The following FLVCR2 variants were observed in gnomAD, a reference collection of about 807,000 sequenced individuals.
FLVCR2 encodes FLVCR choline and putative heme transporter 2.
In FLVCR2, 38 loss-of-function variants were observed where a neutral mutation model predicts 48.9. The observed-to-expected ratio is 0.78, with a 90% confidence interval of 0.60 to 1.02. The LOEUF (loss-of-function observed/expected upper bound fraction) is 1.02, where lower values mean the gene tolerates loss of function less well. Ranked by LOEUF, FLVCR2 falls within the 50% of genes least tolerant of loss-of-function variation. The pLI, the probability that FLVCR2 is intolerant of heterozygous loss-of-function variation, is 0.00. For synonymous variants in FLVCR2, 255 were observed against 257.0 expected (o/e 0.99, Z 0.07); for missense variants, 664 against 663.3 (o/e 1.00, Z -0.01).
chr14:75,640,995 G>T lies in FLVCR2; in HGVS notation c.1276G>T (p.Ala426Ser), dbSNP rs745968780. The T allele has an allele frequency of 2.3e-5, 37 of 1,614,002 alleles. No homozygotes were observed. The Admixed American group carries it at 6.2e-4, about 27-fold the overall frequency. The change falls in exon 7 of 10, where the codon GCT becomes TCT. Residue 426 changes from alanine to serine, a missense_variant. Ala to Ser is a moderately conservative substitution (Grantham distance 99). Coordinates refer to ENST00000238667, the MANE Select transcript of FLVCR2 (RefSeq NM_017791.3). ...CTATCTCCCACTGGGATTTGAGTTTGCTGTGGAGCTCACGTACCCAGAATC... is the reference window on the plus strand; with the variant it reads ...CTATCTCCCACTGGGATTTGAGTTTTCTGTGGAGCTCACGTACCCAGAATC... Reference protein sequence around the residue: ...TGYLPLGFEFAVELTYPESEG... With the variant: ...TGYLPLGFEFSVELTYPESEG...
At chr14:75,597,763 T>G (rs1413020449) in intron 1 of FLVCR2, among the ~76,000 whole-genome samples, 10 of 151,936 alleles carry the variant, frequency 6.6e-5, no homozygotes, top group African/African-American at 2.4e-4. Flanking sequence ...AGAGATAGGG[T>G]TTCACCATGT....
chr14:75,635,151 C>G, intron 5 of FLVCR2, 138 bp downstream of exon 5: 1 of 701,582 alleles, frequency 1.4e-6, no homozygotes, highest in Non-Finnish European at 2.6e-6. Context: ...TTCTCTGAGC[C>G]TCACTTTCCT....
At chr14:75,601,302 C>T (rs563488554) in intron 1 of FLVCR2, among the ~76,000 whole-genome samples, 2 of 152,256 alleles carry the variant, frequency 1.3e-5, no homozygotes, top group East Asian at 1.9e-4. Flanking sequence ...CCCTCATTCC[C>T]GTAAATCCAC....
chr14:75,643,504 A>G (rs1890350725), intron 9 of FLVCR2, among the ~76,000 whole-genome samples: 1 of 152,240 alleles, frequency 6.6e-6, no homozygotes, highest in African/African-American at 2.4e-5. Flanking sequence ...TTTCTAAGGC[A>G]AGAGATATCT....
At chr14:75,595,117 T>A (rs749001066) in intron 1 of FLVCR2, among the ~76,000 whole-genome samples, 2 of 152,230 alleles carry the variant, frequency 1.3e-5, no homozygotes, top group African/African-American at 4.8e-5. Context: ...ACTGTAGTTA[T>A]ATGTAGGATT....
chr14:75,615,208 G>T (rs1889577461), intron 1 of FLVCR2, among the ~76,000 whole-genome samples: 1 of 152,204 alleles, frequency 6.6e-6, no homozygotes, highest in Non-Finnish European at 1.5e-5. Context: ...CTGGGAGAAA[G>T]GCAGAAAGGT....
At chr14:75,629,513 A>G (rs543933663) in intron 3 of FLVCR2, among the ~76,000 whole-genome samples, 4 of 152,126 alleles carry the variant, frequency 2.6e-5, no homozygotes, top group Non-Finnish European at 4.4e-5. Flanking sequence ...TGTGTTTCAC[A>G]GTAGGGTAGG....
intron 8 of FLVCR2, 53 bp downstream of exon 8, chr14:75,641,346 T>C: frequency 4.2e-6 from 5 of 1,197,624 alleles, no homozygotes; most frequent in Non-Finnish European, 2.5e-6. Context: ...TTTGGGACCC[T>C]AGTGTCTCGA....
At chr14:75,612,231 A>G (rs889609791) in intron 1 of FLVCR2, among the ~76,000 whole-genome samples, 6 of 152,348 alleles carry the variant, frequency 3.9e-5, no homozygotes, top group East Asian at 1.9e-4. Flanking sequence ...CTAGGGATCA[A>G]TGATTGTAGG....
intron 1 of FLVCR2, among the ~76,000 whole-genome samples, chr14:75,611,318 C>T (rs1292905840): frequency 1.3e-5 from 2 of 152,108 alleles, no homozygotes; most frequent in Non-Finnish European, 2.9e-5. Flanking sequence ...AGTCACTTTT[C>T]TGTGGCATTC....
intron 1 of FLVCR2, among the ~76,000 whole-genome samples, chr14:75,584,421 G>GT (rs1888688682): frequency 0.015 from 3 of 200 alleles, no homozygotes; most frequent in South Asian, 0.12. Context: ...TGAGAATAAG[G>GT]CGCCTTCCGG....
At chr14:75,580,888 CAG>C (rs1454045363) in intron 1 of FLVCR2, among the ~76,000 whole-genome samples, 2 of 152,136 alleles carry the variant, frequency 1.3e-5, no homozygotes, top group African/African-American at 4.8e-5. Flanking sequence ...ATGCAGGTCA[CAG>C]GGGATAGGAT....
At chr14:75,609,295 G>A (rs1212834312) in intron 1 of FLVCR2, among the ~76,000 whole-genome samples, 1 of 152,124 alleles carries the variant, frequency 6.6e-6, no homozygotes, top group Non-Finnish European at 1.5e-5. Flanking sequence ...GGCTAATGGT[G>A]CAAATGTCAG....
At chr14:75,623,402 C>T (rs1237066423) in intron 2 of FLVCR2, among the ~76,000 whole-genome samples, 1 of 152,008 alleles carries the variant, frequency 6.6e-6, no homozygotes, top group Non-Finnish European at 1.5e-5. Context: ...AAACTTAGAA[C>T]CAGCAAGACA....
intron 1 of FLVCR2, among the ~76,000 whole-genome samples, chr14:75,582,945 G>GC (rs1483254557): frequency 6.6e-6 from 1 of 152,154 alleles, no homozygotes; most frequent in East Asian, 1.9e-4. Context: ...AGAGCACATT[G>GC]TTTTCATTAA....
At chr14:75,639,212 G>C (rs1257517183) in intron 5 of FLVCR2, 140 bp from the exon 6 acceptor site, 3 of 710,230 alleles carry the variant, frequency 4.2e-6, no homozygotes, top group Admixed American at 2.0e-5. Flanking sequence ...CACTGTCTCT[G>C]AAAACAAAAC....
chr14:75,609,597 G>A (rs1462014106), intron 1 of FLVCR2, among the ~76,000 whole-genome samples: 1 of 152,124 alleles, frequency 6.6e-6, no homozygotes, highest in Non-Finnish European at 1.5e-5. Flanking sequence ...TCTATTTCTT[G>A]AAGTGCATGC....
chr14:75,640,258 C>CA (rs11453901), intron 6 of FLVCR2, among the ~76,000 whole-genome samples: 51,126 of 97,344 alleles, frequency 0.53, 14,067 homozygotes, highest in Non-Finnish European at 0.65. Flanking sequence ...GACTCCGTCT[C>CA]AAAAAAAAAA....
intron 1 of FLVCR2, among the ~76,000 whole-genome samples, chr14:75,596,748 A>C (rs1009202): frequency 0.42 from 62,078 of 146,368 alleles, 18,773 homozygotes; most frequent in African/African-American, 0.84. Flanking sequence ...TCAATAAAAA[A>C]TCTGTACTCA....
Sources: gnomAD v4.1 joint callset for allele counts (sites outside exome capture counted in the v4.1 genomes callset) on GRCh38, gnomAD v4.1.1 for gene constraint, MANE v1.5 for transcripts, NCBI Gene and HGNC (gene_info 2026-07-23, HGNC 2026-07-21) for gene names.